The following DNMT1 variants were observed in gnomAD, a reference collection of about 807,000 sequenced individuals.
DNMT1 encodes the protein DNA (cytosine-5)-methyltransferase 1.
In DNMT1, 24 loss-of-function variants were observed where a neutral mutation model predicts 205.3. That is an observed-to-expected ratio of 0.12 (90% CI 0.08 to 0.16). The LOEUF (loss-of-function observed/expected upper bound fraction) is 0.16, where lower values mean the gene tolerates loss of function less well. Ranked by LOEUF, DNMT1 falls within the 10% of genes least tolerant of loss-of-function variation. DNMT1 has a pLI of 1.00. For synonymous variants in DNMT1, 817 were observed against 839.8 expected (o/e 0.97, Z 0.47); for missense variants, 1,293 against 2,177.7 (o/e 0.59, Z 8.09).
intron 1 of DNMT1, among the ~76,000 whole-genome samples, chr19:10,186,391 G>A (rs1480975002): frequency 6.6e-6 from 1 of 152,008 alleles, no homozygotes; most frequent in Non-Finnish European, 1.5e-5. Context: ...TGATGACACC[G>A]ATCACACCTG....
intron 30 of DNMT1, 106 bp downstream of exon 30, chr19:10,141,922 A>G (rs1490028876): frequency 7.2e-7 from 1 of 1,397,762 alleles, no homozygotes; most frequent in East Asian, 2.5e-5. Flanking sequence ...ACTTCTTACA[A>G]AAGCTGAAAC....
In DNMT1 at chr19:10,154,527, G is replaced by T; in HGVS notation, c.1833-48C>A. Reference sequence around the variant, plus strand: ...TCAGAGGACTGGGACAGAGGATGTGGGCCATGCTCTACCCTCCCCGGTCTC... The same window carrying T: ...TCAGAGGACTGGGACAGAGGATGTGTGCCATGCTCTACCCTCCCCGGTCTC... On this transcript the variant is annotated intron_variant, in intron 21 of 40. Transcript: ENST00000359526. The surrounding 1 kb of genome is among the most constrained non-coding windows in gnomAD (Gnocchi z 6.3). The T allele has an allele frequency of 6.2e-7, 1 of 1,614,042 alleles. No homozygotes were observed. Among genetic ancestry groups the T allele is most frequent in the Non-Finnish European group, 8.5e-7 (1 of 1,179,980 alleles).
rs1388838778 is a variant in DNMT1 at position 10,175,086 on chromosome 19, C to CAT, written c.648+453_648+454insAT. Among the ~76,000 whole-genome samples, 361 of 54,176 alleles carry CAT rather than the reference C, an allele frequency of 6.7e-3. 2 individuals are homozygous for CAT. Among genetic ancestry groups the CAT allele is most frequent in the African/African-American group, 0.023 (326 of 14,462 alleles). 35.5% of individuals were successfully genotyped at this position (54,176 alleles called of 152,430 possible). On this transcript the variant is annotated intron_variant, in intron 7 of 40. Transcript: ENST00000359526. ...AGAAGTCTAAATACATACATACATA[C>CAT]ACACACACACACACACACACACACA... is the stretch of plus-strand genomic sequence containing the variant.
In DNMT1 at chr19:10,156,257, G is replaced by A. The variant is rs1390414838; in HGVS notation, c.1399+134C>T. 2 of 738,580 alleles carry A rather than the reference G, an allele frequency of 2.7e-6. No individual in the cohort carries two copies. Among genetic ancestry groups the A allele is most frequent in the East Asian group, 5.3e-5 (2 of 37,450 alleles). The allele number at this position is 738,580 out of a possible 1,614,324, so 45.8% of individuals were successfully genotyped here. A position where few individuals can be genotyped will look rare whatever the true frequency, so the allele number is the denominator to read the frequency against. Reference sequence around the variant, plus strand: ...AGGCAGGCTCTTGCTATGTTGTCCAGGCTCGTCTCAAACTCCCGGGCTCAA... The same window carrying A: ...AGGCAGGCTCTTGCTATGTTGTCCAAGCTCGTCTCAAACTCCCGGGCTCAA... On this transcript the variant is annotated intron_variant, in intron 18 of 40. Coordinates refer to ENST00000359526, the MANE Select transcript of DNMT1 (RefSeq NM_001130823.3). The surrounding 1 kb of genome is among the most constrained non-coding windows in gnomAD (Gnocchi z 4.2).
In DNMT1 at chr19:10,138,298, GCCATGTGGCAGAGCA is replaced by G. The variant is rs2089532725; in HGVS notation, c.4115+126_4115+140del. ...AACTGGAGACCACAGGTGGCAGAGT[GCCATGTGGCAGAGCA>G]CCGTGTGGCAGGGCAGATGCTGTAC... On this transcript the variant is annotated intron_variant, in intron 35 of 40. Transcript: ENST00000359526. This position sits in a 1 kb window ranked among gnomAD's most constrained non-coding sequence, Gnocchi z 4.1. 1 of 1,330,512 alleles carries G rather than the reference GCCATGTGGCAGAGCA, an allele frequency of 7.5e-7. No individual in the cohort carries two copies. Among genetic ancestry groups the G allele is most frequent in the African/African-American group, 1.4e-5 (1 of 69,650 alleles). 82.4% of individuals were successfully genotyped at this position (1,330,512 alleles called of 1,614,324 possible).
At position 10,137,075 on chromosome 19, in the gene DNMT1, C is replaced by T; in HGVS notation, c.4489+10G>A. ...TCAGCCCACCGGGAACCACAACTTACAGGACCCACCTTCCACGCAGGAGCA... is the reference window on the plus strand; with the variant it reads ...TCAGCCCACCGGGAACCACAACTTATAGGACCCACCTTCCACGCAGGAGCA... On this transcript the variant is annotated intron_variant, in intron 37 of 40. Transcript: ENST00000359526. The surrounding 1 kb of genome is among the most constrained non-coding windows in gnomAD (Gnocchi z 6.4). 6.2e-7 allele frequency: 1 copy of T among 1,611,006 alleles called. No individual in the cohort carries two copies. Among genetic ancestry groups the T allele is most frequent in the East Asian group, 2.2e-5 (1 of 44,830 alleles).
Position 10,141,156 on chromosome 19 carries a change from G to A in DNMT1, c.3343C>T (p.Pro1115Ser), listed in dbSNP as rs755865204. 7 of 1,613,904 alleles carry A rather than the reference G, an allele frequency of 4.3e-6. No homozygotes were observed. Among genetic ancestry groups the A allele is most frequent in the Non-Finnish European group, 5.1e-6 (6 of 1,180,036 alleles). Residue 1115 changes from proline (P) to serine (S), a missense_variant, in exon 31 of 41, where the codon CCT (proline) becomes TCT (serine). Transcript: ENST00000359526. ...CCAGGGCTACGGGCATGGTTGGGAGGATCTTCAAAGCTTTTGCTCTTTGCA... is the reference window on the plus strand; with the variant it reads ...CCAGGGCTACGGGCATGGTTGGGAGAATCTTCAAAGCTTTTGCTCTTTGCA... Reference protein sequence around the residue: ...YNAKSKSFEDPPNHARSPGNK... With the variant: ...YNAKSKSFEDSPNHARSPGNK...
At chr19:10,185,973 C>T (rs1376134295) in intron 1 of DNMT1, among the ~76,000 whole-genome samples, 1 of 151,964 alleles carries the variant, frequency 6.6e-6, no homozygotes, top group Non-Finnish European at 1.5e-5. Context: ...AGGAGGGCTA[C>T]AGAAACTGGT....
At chr19:10,185,200 C>G (rs1012051153) in intron 1 of DNMT1, among the ~76,000 whole-genome samples, 7 of 151,728 alleles carry the variant, frequency 4.6e-5, no homozygotes, top group African/African-American at 1.7e-4. Context: ...CTGAGGTGGG[C>G]GGATCATGAG....
intron 37 of DNMT1, 90 bp downstream of exon 37, chr19:10,136,995 T>C: frequency 5.3e-6 from 8 of 1,523,694 alleles, no homozygotes; most frequent in Non-Finnish European, 7.1e-6. Flanking sequence ...GTCTGTGCCC[T>C]GCCCTGGCCT....
intron 5 of DNMT1, among the ~76,000 whole-genome samples, chr19:10,178,086 G>T (rs1305867654): frequency 6.7e-6 from 1 of 149,776 alleles, no homozygotes; most frequent in Non-Finnish European, 1.5e-5. Flanking sequence ...GTGAAACCCC[G>T]TCTCTATTAA....
chr19:10,170,000 C>A (rs922717859), intron 9 of DNMT1, among the ~76,000 whole-genome samples: 1 of 152,016 alleles, frequency 6.6e-6, no homozygotes, highest in African/African-American at 2.4e-5. Flanking sequence ...GAAAGACCAG[C>A]CTCGGCCGGG....
intron 1 of DNMT1, among the ~76,000 whole-genome samples, chr19:10,189,057 C>A (rs1473436159): frequency 3.3e-5 from 5 of 152,138 alleles, no homozygotes; most frequent in Non-Finnish European, 5.9e-5. Flanking sequence ...GTCCTTTAAG[C>A]CGGCAAGTTT....
At chr19:10,157,203 G>A (rs1489603444) in intron 17 of DNMT1, among the ~76,000 whole-genome samples, 1 of 151,986 alleles carries the variant, frequency 6.6e-6, no homozygotes, top group Non-Finnish European at 1.5e-5. Context: ...CCTCCCAACC[G>A]GCCCTCAGCC....
chr19:10,141,076 C>T, intron 31 of DNMT1, 29 bp downstream of exon 31: 1 of 1,613,800 alleles, frequency 6.2e-7, no homozygotes, highest in Admixed American at 1.7e-5. Flanking sequence ...AGAAGAATAA[C>T]TTGAAAAGAA....
At position 10,135,859 on chromosome 19, in the gene DNMT1, G is replaced by A. The variant is rs1336734666; in HGVS notation, c.4657-7C>T. The A allele has an allele frequency of 3.9e-6, 6 of 1,547,046 alleles. No homozygotes were observed. The highest frequency in any genetic ancestry group is 2.4e-5 in the East Asian group (1 of 41,370). Reference sequence around the variant, plus strand: ...CTGGGTGGAGCACGCGGCCCTGGGGGAAAGAGGCGCGGTGGGCGAGGGCAG... The same window carrying A: ...CTGGGTGGAGCACGCGGCCCTGGGGAAAAGAGGCGCGGTGGGCGAGGGCAG... On this transcript the variant is annotated splice_region_variant and splice_polypyrimidine_tract_variant and intron_variant, in intron 38 of 40. Transcript: ENST00000359526.
rs564106859 is a variant in DNMT1, at chr19:10,139,710, C to T, written c.3914G>A (p.Arg1305His). 9.3e-6 allele frequency: 15 copies of T among 1,613,446 alleles called. No homozygotes were observed. Among genetic ancestry groups the T allele is most frequent in the African/African-American group, 4.0e-5 (3 of 75,058 alleles). Residue 1305 changes from arginine to histidine, a missense_variant, in exon 34 of 41, where the codon CGC (arginine) becomes CAC (histidine). Around this residue, in one of 13 missense-constraint regions of DNMT1, gnomAD observed 38 missense variants for 141.1 expected, o/e 0.27. Coordinates refer to ENST00000359526, the MANE Select transcript of DNMT1 (RefSeq NM_001130823.3). ...VLKLTLRCLV[R>H]MGYQCTFGVL... ...GCCGAAGGTGCACTGATAGCCCATG[C>T]GGACCAGGCAGCGGAGGGTGAGCTT...
At chr19:10,142,356 C>T in intron 29 of DNMT1, 136 bp from the exon 30 acceptor site, 1 of 1,222,320 alleles carries the variant, frequency 8.2e-7, no homozygotes, top group Admixed American at 2.0e-5. Flanking sequence ...AGGGTAAAGA[C>T]CCCCTCAGTT....
At chr19:10,144,452 G>A in intron 28 of DNMT1, 1 of 254,012 alleles carries the variant, frequency 3.9e-6, no homozygotes, top group South Asian at 4.7e-5. Flanking sequence ...TAGTCTCACA[G>A]TTTGAAGCAC....
Sources: allele counts gnomAD v4.1 joint callset (sites outside exome capture counted in the v4.1 genomes callset), GRCh38; gene constraint gnomAD v4.1.1; regional missense constraint gnomAD v4.1.1; non-coding constraint Gnocchi (gnomAD v3.1); transcripts MANE v1.5; gene names NCBI Gene and HGNC (gene_info 2026-07-23, HGNC 2026-07-21).